Variants in CACNA1E observed in about 807,000 individuals in gnomAD.
CACNA1E encodes calcium voltage-gated channel subunit alpha1 E, also known as voltage-dependent R-type calcium channel subunit alpha-1E.
Under a neutral mutation model 259.2 loss-of-function variants are expected in CACNA1E, and 40 were observed. The ratio of observed to expected loss-of-function variants is 0.15; its 90% CI spans 0.12 to 0.20. CACNA1E has a LOEUF of 0.20. CACNA1E is among the 10% of genes least tolerant of loss of function. The pLI is 1.00. For synonymous variants in CACNA1E, 1,104 were observed against 1,138.5 expected (o/e 0.97, Z 0.61); for missense variants, 1,874 against 3,040.1 (o/e 0.62, Z 9.02).
chr1:181,536,290 A>G (rs1336294058), intron 3 of CACNA1E, among the ~76,000 whole-genome samples: 1 of 151,830 alleles, frequency 6.6e-6, no homozygotes, highest in African/African-American at 2.4e-5. Context: ...TCTTCCCTCT[A>G]TTTTTAATCT....
intron 1 of CACNA1E, among the ~76,000 whole-genome samples, chr1:181,386,503 G>C (rs1363522222): frequency 6.6e-6 from 1 of 152,198 alleles, no homozygotes; most frequent in Non-Finnish European, 1.5e-5. Flanking sequence ...GAAGGACACC[G>C]AAGGGGGTGA....
intron 6 of CACNA1E, among the ~76,000 whole-genome samples, chr1:181,647,178 G>A (rs933682135): frequency 1.3e-5 from 2 of 152,190 alleles, no homozygotes; most frequent in Non-Finnish European, 2.9e-5. Context: ...CATGAGTGGT[G>A]TGGGATGGAG....
intron 2 of CACNA1E, among the ~76,000 whole-genome samples, chr1:181,458,265 G>C (rs1661584649): frequency 6.6e-6 from 1 of 152,194 alleles, no homozygotes; most frequent in African/African-American, 2.4e-5. Flanking sequence ...GTGACTTCAG[G>C]CTGGTGCTTC....
At position 181,798,641 on chromosome 1, in the gene CACNA1E, T is replaced by C; in HGVS notation, c.6749T>C (p.Leu2250Pro). ...TCAGACTGTGGTGAGGAGGAGACGC[T>C]CACTTTCGAAGCAGCCGTGGCTACT... ...HASDCGEEET[L>P]TFEAAVATSL... is the part of the protein sequence containing the mutation. Residue 2250 changes from leucine (L) to proline (P), a missense_variant, in exon 48 of 48, where the codon CTC becomes CCC. Leu to Pro is a moderately conservative substitution (Grantham distance 98). Around this residue, in one of 14 missense-constraint regions of CACNA1E, gnomAD observed 542 missense variants for 587.2 expected, o/e 0.92. Coordinates refer to ENST00000367573, the MANE Select transcript of CACNA1E (RefSeq NM_001205293.3). The surrounding 1 kb of genome is among the most constrained non-coding windows in gnomAD (Gnocchi z 4.2). 1 of 1,610,754 alleles carries C rather than the reference T, an allele frequency of 6.2e-7. No individual in the cohort carries two copies. Among genetic ancestry groups the C allele is most frequent in the Non-Finnish European group, 8.5e-7 (1 of 1,177,834 alleles).
At chr1:181,320,201 T>A (rs1650230536) in intron 1 of CACNA1E, among the ~76,000 whole-genome samples, 1 of 152,172 alleles carries the variant, frequency 6.6e-6, no homozygotes, top group South Asian at 2.1e-4. Flanking sequence ...GGCTAGGATG[T>A]GTGTGTTGAG....
intron 2 of CACNA1E, among the ~76,000 whole-genome samples, chr1:181,457,846 A>G (rs983317622): frequency 1.2e-4 from 19 of 152,268 alleles, no homozygotes; most frequent in African/African-American, 3.4e-4. Flanking sequence ...GATATTTCTA[A>G]GACCTTGGTA....
chr1:181,443,618 A>G (rs779497090), intron 2 of CACNA1E, among the ~76,000 whole-genome samples: 2 of 152,220 alleles, frequency 1.3e-5, no homozygotes, highest in Admixed American at 6.5e-5. Context: ...ACACAGCTAT[A>G]AAGACACACA....
chr1:181,733,591 C>T lies in CACNA1E; in HGVS notation c.3103C>T (p.Leu1035=), dbSNP rs776704547. ...EPEGSSEQAL[L]GNVQLDMGRV... ...AGAAGGCAGCAGTGAGCAGGCCCTG[C>T]TGGGGAATGTGCAGCTAGACATGGG... Residue 1035 remains leucine (L), a synonymous_variant, in exon 21 of 48, where the codon CTG becomes TTG. Transcript: ENST00000367573. The T allele has an allele frequency of 6.2e-7, 1 of 1,612,932 alleles. No individual in the cohort carries two copies. Among genetic ancestry groups the T allele is most frequent in the Non-Finnish European group, 8.5e-7 (1 of 1,179,472 alleles).
At chr1:181,443,406 C>CTATGG (rs1660618096) in intron 2 of CACNA1E, among the ~76,000 whole-genome samples, 1 of 152,202 alleles carries the variant, frequency 6.6e-6, no homozygotes, top group African/African-American at 2.4e-5. Context: ...TGGGTTTTCC[C>CTATGG]CATGGCGATA....
intron 2 of CACNA1E, among the ~76,000 whole-genome samples, chr1:181,418,826 T>C (rs1658492363): frequency 6.6e-6 from 1 of 151,950 alleles, no homozygotes; most frequent in African/African-American, 2.4e-5. Context: ...CAAGCACCTT[T>C]TATTATTTTT....
At chr1:181,679,531 G>A (rs1461535327) in intron 7 of CACNA1E, among the ~76,000 whole-genome samples, 2 of 152,198 alleles carry the variant, frequency 1.3e-5, no homozygotes, top group Non-Finnish European at 2.9e-5. Flanking sequence ...ATGTAAACAC[G>A]TGAAAGAGGG....
At chr1:181,746,668 CTT>C (rs1415192596) in intron 25 of CACNA1E, among the ~76,000 whole-genome samples, 1 of 151,794 alleles carries the variant, frequency 6.6e-6, no homozygotes, top group Non-Finnish European at 1.5e-5. Context: ...TCATCTGTAA[CTT>C]TTTTTTTCCT....
intron 7 of CACNA1E, among the ~76,000 whole-genome samples, chr1:181,665,896 A>C (rs939424403): frequency 2.6e-5 from 4 of 152,108 alleles, no homozygotes; most frequent in Admixed American, 2.6e-4. Context: ...GGATGCCCCA[A>C]ACAGAATTCA....
At chr1:181,736,247 T>C (rs1178282081) in intron 21 of CACNA1E, 28 bp from the exon 22 acceptor site, 2 of 1,559,370 alleles carry the variant, frequency 1.3e-6, no homozygotes, top group Non-Finnish European at 1.7e-6. Context: ...TCATGATTTC[T>C]GAAGATTTCA....
At chr1:181,757,470 G>A (rs1018499201) in intron 30 of CACNA1E, among the ~76,000 whole-genome samples, 13 of 152,158 alleles carry the variant, frequency 8.5e-5, no homozygotes, top group Admixed American at 6.5e-4. Flanking sequence ...GTGTCTTATC[G>A]CAGCTTTTCC....
At chr1:181,515,508 A>G (rs889116764) in intron 3 of CACNA1E, among the ~76,000 whole-genome samples, 5 of 152,118 alleles carry the variant, frequency 3.3e-5, no homozygotes, top group African/African-American at 1.2e-4. Context: ...ACGTTATTAT[A>G]TTTTCCCACC....
intron 25 of CACNA1E, among the ~76,000 whole-genome samples, chr1:181,742,490 T>C (rs1303096193): frequency 2.0e-5 from 3 of 152,200 alleles, no homozygotes; most frequent in African/African-American, 7.2e-5. Context: ...CTTCTTGAAA[T>C]TGAACCATGA....
At chr1:181,662,468 A>C (rs532054994) in intron 7 of CACNA1E, among the ~76,000 whole-genome samples, 1 of 152,230 alleles carries the variant, frequency 6.6e-6, no homozygotes. Flanking sequence ...GCTGGGTTTG[A>C]GTTCTGTTCC....
At chr1:181,435,185 T>C (rs140908855) in intron 2 of CACNA1E, among the ~76,000 whole-genome samples, 1 of 152,340 alleles carries the variant, frequency 6.6e-6, no homozygotes, top group East Asian at 1.9e-4. Context: ...AGAGAGCTAG[T>C]TGTTAAATGT....
Sources: gnomAD v4.1 joint callset for allele counts (sites outside exome capture counted in the v4.1 genomes callset) on GRCh38, gnomAD v4.1.1 for gene constraint, gnomAD v4.1.1 regional missense constraint, Gnocchi (gnomAD v3.1) non-coding constraint, MANE v1.5 for transcripts, NCBI Gene and HGNC (gene_info 2026-07-23, HGNC 2026-07-21) for gene names.